The following TFEC variants were observed in gnomAD, a reference collection of about 807,000 sequenced individuals.
TFEC encodes the protein transcription factor EC, also known as class E basic helix-loop-helix protein 34.
A neutral mutation model predicts 41.6 loss-of-function variants in TFEC; 31 were observed. The ratio of observed to expected loss-of-function variants is 0.74; its 90% CI spans 0.56 to 1.01. The LOEUF is 1.01. Ranked by LOEUF, TFEC falls within the 50% of genes least tolerant of loss-of-function variation. TFEC has a pLI of 0.00. For synonymous variants in TFEC, 143 were observed against 140.6 expected (o/e 1.02, Z -0.12); for missense variants, 402 against 404.1 (o/e 0.99, Z 0.04).
upstream of TFEC, among the ~76,000 whole-genome samples, chr7:116,033,260 C>T (rs1795831159): frequency 6.6e-6 from 1 of 152,034 alleles, no homozygotes; most frequent in South Asian, 2.1e-4. Flanking sequence ...TGCTTGGCTG[C>T]AGGAATTTGG....
intron 1 of TFEC, among the ~76,000 whole-genome samples, chr7:116,130,086 T>A (rs1006981005): frequency 1.5e-4 from 15 of 99,958 alleles, no homozygotes; most frequent in South Asian, 3.2e-4. Context: ...ACACACACAC[T>A]CTTACTTGAA....
Position 115,984,384 on chromosome 7 carries a change from G to A in TFEC, c.58C>T (p.Pro20Ser), listed in dbSNP as rs1390461837. The A allele has an allele frequency of 6.2e-7, 1 of 1,614,136 alleles. No homozygotes were observed. The highest frequency in any genetic ancestry group is 1.7e-5 in the Admixed American group (1 of 60,010). ...PTLKWSQPAV[P>S]SGGPLVQHAH... is the part of the protein sequence containing the mutation. ...TGCTGCACAAGAGGCCCACCACTTG[G>A]CACTGCAGGTTGTGACCATTTAAGA... Residue 20 changes from proline (P) to serine (S), a missense_variant, in exon 2 of 8, where the codon CCA becomes TCA. Coordinates refer to ENST00000265440, the MANE Select transcript of TFEC (RefSeq NM_012252.4).
intron 1 of TFEC, among the ~76,000 whole-genome samples, chr7:116,150,994 A>G (rs931501694): frequency 6.6e-6 from 1 of 152,170 alleles, no homozygotes; most frequent in Non-Finnish European, 1.5e-5. Flanking sequence ...ATGAATTCTA[A>G]ACATAATTTA....
intron 3 of TFEC, among the ~76,000 whole-genome samples, chr7:116,063,776 C>T (rs1200305270): frequency 6.6e-6 from 1 of 152,106 alleles, no homozygotes; most frequent in Admixed American, 6.5e-5. Flanking sequence ...AACAGGATTT[C>T]CTTCCTTTTT....
Position 115,939,783 on chromosome 7 carries a change from T to A in TFEC, c.*768A>T, listed in dbSNP as rs926474673. Reference sequence around the variant, plus strand: ...AATGATGTGCATATGTGTATGTGTATGTTTGTGTGAAGGGATACAATTCTG... The same window carrying A: ...AATGATGTGCATATGTGTATGTGTAAGTTTGTGTGAAGGGATACAATTCTG... On this transcript the variant is annotated 3_prime_UTR_variant, in exon 8 of 8. Coordinates refer to ENST00000265440, the MANE Select transcript of TFEC (RefSeq NM_012252.4). 2 of 152,048 alleles carry A rather than the reference T, an allele frequency of 1.3e-5. No homozygotes were observed. Among genetic ancestry groups the A allele is most frequent in the African/African-American group, 2.4e-5 (1 of 41,424 alleles). 9.4% of individuals were successfully genotyped at this position (152,048 alleles called of 1,614,324 possible).
upstream of TFEC, among the ~76,000 whole-genome samples, chr7:116,034,266 T>C (rs1176253846): frequency 3.3e-5 from 5 of 152,092 alleles, no homozygotes; most frequent in East Asian, 9.6e-4. Flanking sequence ...TGTACTTTCA[T>C]GACTTTATAT....
chr7:115,962,141 A>C (rs1295312751), intron 3 of TFEC, among the ~76,000 whole-genome samples: 1 of 151,786 alleles, frequency 6.6e-6, no homozygotes, highest in African/African-American at 2.4e-5. Context: ...TAACCCGAGA[A>C]GCGAAAGGCT....
chr7:116,024,867 T>A (rs1795529450), intron 1 of TFEC, among the ~76,000 whole-genome samples: 1 of 152,144 alleles, frequency 6.6e-6, no homozygotes, highest in Non-Finnish European at 1.5e-5. Flanking sequence ...ATTTTTTCCA[T>A]CTCCTATCAT....
rs1394042973 is a variant in TFEC at position 115,953,346 on chromosome 7, TG to T, written c.439+1239del. Reference sequence around the variant, plus strand: ...TTGGACTTACTTTGTAATTTTGCTATGATCATCACAAGTTTTTAGGGTTTTT... The same window carrying T: ...TTGGACTTACTTTGTAATTTTGCTATATCATCACAAGTTTTTAGGGTTTTT... On this transcript the variant is annotated intron_variant, in intron 5 of 7. Coordinates refer to ENST00000265440, the MANE Select transcript of TFEC (RefSeq NM_012252.4). Among the ~76,000 whole-genome samples the T allele has an allele frequency of 2.6e-5, 4 of 152,220 alleles. No homozygotes were observed. The East Asian group carries it at 7.8e-4, about 30-fold the overall frequency.
At chr7:116,051,894 T>C (rs1422324950) in intron 3 of TFEC, among the ~76,000 whole-genome samples, 2 of 152,054 alleles carry the variant, frequency 1.3e-5, no homozygotes, top group African/African-American at 4.8e-5. Flanking sequence ...TAACTTTTAG[T>C]GAGCCACAGG....
At chr7:116,023,938 T>C (rs1401000869) in intron 1 of TFEC, among the ~76,000 whole-genome samples, 1 of 152,158 alleles carries the variant, frequency 6.6e-6, no homozygotes, top group African/African-American at 2.4e-5. Flanking sequence ...TAGTGGGAAA[T>C]GGAAGCAATT....
At chr7:116,099,222 C>T (rs117042493) in intron 3 of TFEC, among the ~76,000 whole-genome samples, 4 of 152,220 alleles carry the variant, frequency 2.6e-5, no homozygotes, top group Non-Finnish European at 4.4e-5. Context: ...GTAAGGAATT[C>T]GTTTCACTGA....
chr7:116,065,985 T>C (rs1250511531), intron 3 of TFEC, among the ~76,000 whole-genome samples: 4 of 151,952 alleles, frequency 2.6e-5, no homozygotes, highest in Non-Finnish European at 5.9e-5. Context: ...TTGGATTGCC[T>C]GAAGAAAAAA....
chr7:116,148,162 G>A (rs1012214266), intron 1 of TFEC, among the ~76,000 whole-genome samples: 6 of 152,148 alleles, frequency 3.9e-5, no homozygotes, highest in African/African-American at 1.4e-4. Context: ...ACAAAGCCCT[G>A]TGGTCAGAGT....
At chr7:116,082,827 A>G (rs1797121361) in intron 3 of TFEC, among the ~76,000 whole-genome samples, 1 of 151,904 alleles carries the variant, frequency 6.6e-6, no homozygotes, top group Non-Finnish European at 1.5e-5. Context: ...CTCATCAGCC[A>G]CACTGTTTAT....
upstream of TFEC, chr7:116,030,925 T>A: frequency 2.9e-6 from 2 of 692,910 alleles, no homozygotes; most frequent in Non-Finnish European, 3.6e-6. Flanking sequence ...AATATGCCAC[T>A]AATTTGAGAA....
intron 1 of TFEC, among the ~76,000 whole-genome samples, chr7:116,130,722 C>T (rs1798315432): frequency 6.6e-6 from 1 of 152,144 alleles, no homozygotes; most frequent in African/African-American, 2.4e-5. Context: ...AAGCAATCCT[C>T]CCACCTCAGC....
chr7:116,063,570 G>A (rs1241728641), intron 3 of TFEC, among the ~76,000 whole-genome samples: 1 of 152,148 alleles, frequency 6.6e-6, no homozygotes, highest in African/African-American at 2.4e-5. Context: ...AGTGAGCCAA[G>A]ATCACACCAA....
chr7:116,105,835 C>T (rs1387755652), intron 3 of TFEC, among the ~76,000 whole-genome samples: 1 of 152,140 alleles, frequency 6.6e-6, no homozygotes, highest in Non-Finnish European at 1.5e-5. Flanking sequence ...AGACATTTAA[C>T]TGGGAAGTTA....
Sources: gnomAD v4.1 joint callset for allele counts (sites outside exome capture counted in the v4.1 genomes callset) on GRCh38, gnomAD v4.1.1 for gene constraint, MANE v1.5 for transcripts, NCBI Gene and HGNC (gene_info 2026-07-23, HGNC 2026-07-21) for gene names.